The following PTPRK variants were observed in gnomAD, a reference collection of about 807,000 sequenced individuals.
PTPRK encodes protein tyrosine phosphatase receptor type K, also known as receptor-type tyrosine-protein phosphatase kappa.
PTPRK carries 75 observed loss-of-function variants against 178.0 expected under a neutral mutation model. The ratio of observed to expected loss-of-function variants is 0.42; its 90% CI spans 0.35 to 0.51. The LOEUF (loss-of-function observed/expected upper bound fraction) is 0.51, where lower values mean the gene tolerates loss of function less well. Among genes scored for constraint, PTPRK ranks in the 20% least tolerant of loss-of-function variants. The pLI is 0.02. For synonymous variants in PTPRK, 637 were observed against 620.6 expected, an observed-to-expected ratio of 1.03 and a Z score of -0.39; for missense variants, 1,441 against 1,797.8, an observed-to-expected ratio of 0.80 and a Z score of 3.59.
chr6:128,212,650 C>T (rs905034661), intron 6 of PTPRK, among the ~76,000 whole-genome samples: 2 of 151,968 alleles, frequency 1.3e-5, no homozygotes, highest in Non-Finnish European at 2.9e-5. Context: ...ATTCTGCTTC[C>T]TCTTTGATCC....
At chr6:128,019,118 T>G (rs1773051629) in intron 13 of PTPRK, among the ~76,000 whole-genome samples, 1 of 152,112 alleles carries the variant, frequency 6.6e-6, no homozygotes, top group African/African-American at 2.4e-5. Context: ...CTAAAACATT[T>G]CTTAGAATCA....
intron 2 of PTPRK, among the ~76,000 whole-genome samples, chr6:128,382,718 G>T (rs1300446939): frequency 1.3e-5 from 2 of 152,072 alleles, no homozygotes; most frequent in African/African-American, 4.8e-5. Context: ...GGAATTACAG[G>T]TGTTAGCCAC....
chr6:128,511,747 T>G (rs1322815935), intron 1 of PTPRK, among the ~76,000 whole-genome samples: 1 of 152,182 alleles, frequency 6.6e-6, no homozygotes, highest in Non-Finnish European at 1.5e-5. Flanking sequence ...CTTTAAACAT[T>G]TGTGTACATT....
At chr6:128,233,945 T>C (rs1812763243) in intron 5 of PTPRK, among the ~76,000 whole-genome samples, 1 of 152,246 alleles carries the variant, frequency 6.6e-6, no homozygotes, top group Non-Finnish European at 1.5e-5. Flanking sequence ...GAGTCATTAG[T>C]ATTTTAGTTT....
At chr6:128,326,590 G>A (rs992845466) in intron 2 of PTPRK, among the ~76,000 whole-genome samples, 4 of 151,906 alleles carry the variant, frequency 2.6e-5, no homozygotes, top group Non-Finnish European at 5.9e-5. Flanking sequence ...AAATATGCAG[G>A]TTATAAAATA....
intron 7 of PTPRK, among the ~76,000 whole-genome samples, chr6:128,126,766 G>C (rs944048947): frequency 6.6e-6 from 1 of 152,204 alleles, no homozygotes; most frequent in African/African-American, 2.4e-5. Flanking sequence ...TGAGGTTATA[G>C]GGGTGACCCA....
At position 128,022,633 on chromosome 6, in the gene PTPRK, C is replaced by T. The variant is rs533024391; in HGVS notation, c.2195-13365G>A. Among the ~76,000 whole-genome samples, 4 of 152,260 alleles carry T rather than the reference C, an allele frequency of 2.6e-5. No homozygotes were observed. The South Asian group carries it at 6.2e-4, about 24-fold the overall frequency. ...AAATCTTCATTGATTTTGAAGGGAT[C>T]GCTGAGGCACCGTCCTCCAGTATTG... On this transcript the variant is annotated intron_variant, in intron 13 of 29. Coordinates refer to ENST00000368226, the MANE Select transcript of PTPRK (RefSeq NM_002844.4).
chr6:128,366,211 A>G (rs574325703), intron 2 of PTPRK, among the ~76,000 whole-genome samples: 1 of 152,280 alleles, frequency 6.6e-6, no homozygotes, highest in African/African-American at 2.4e-5. Flanking sequence ...TAGGTACTAA[A>G]ATGCAGGTGT....
At chr6:128,070,727 G>C (rs1782671693) in intron 11 of PTPRK, among the ~76,000 whole-genome samples, 1 of 151,726 alleles carries the variant, frequency 6.6e-6, no homozygotes. Flanking sequence ...CCAGTTTCTA[G>C]ATATTTTTAA....
At position 128,519,434 on chromosome 6, in the gene PTPRK, C is replaced by A. The variant is rs1858640634; in HGVS notation, c.100+825G>T. 6.6e-6 allele frequency among the ~76,000 whole-genome samples: 1 copy of A among 152,154 alleles called. No individual in the cohort carries two copies. The highest frequency in any genetic ancestry group is 6.5e-5 in the Admixed American group (1 of 15,282). On this transcript the variant is annotated intron_variant, in intron 1 of 29. Coordinates refer to ENST00000368226, the MANE Select transcript of PTPRK (RefSeq NM_002844.4). The surrounding 1 kb of genome is among the most constrained non-coding windows in gnomAD (Gnocchi z 4.3). ...CCGGCAGAAGGCAGACATTTACAGT[C>A]CGCTTCCAGCCCCAGGCCGGATCCG...
chr6:128,138,474 G>C (rs1353907130), intron 7 of PTPRK, among the ~76,000 whole-genome samples: 2 of 152,014 alleles, frequency 1.3e-5, no homozygotes, highest in African/African-American at 4.8e-5. Context: ...ATTCAAGAAG[G>C]TCCAATGTTT....
At chr6:128,482,291 T>A (rs1010474189) in intron 1 of PTPRK, among the ~76,000 whole-genome samples, 2 of 152,172 alleles carry the variant, frequency 1.3e-5, no homozygotes, top group African/African-American at 4.8e-5. Context: ...CGGAGTTGCA[T>A]CTCTGTTTAC....
chr6:128,115,366 T>C (rs771144762), intron 7 of PTPRK, among the ~76,000 whole-genome samples: 1 of 151,990 alleles, frequency 6.6e-6, no homozygotes, highest in Non-Finnish European at 1.5e-5. Context: ...AAATTGGAAG[T>C]GCTCACCCTT....
chr6:128,435,606 A>G (rs576263805), intron 1 of PTPRK, among the ~76,000 whole-genome samples: 84 of 152,318 alleles, frequency 5.5e-4, no homozygotes, highest in East Asian at 2.9e-3. Flanking sequence ...ATAGTTTTCT[A>G]TCTTTCTGGT....
intron 6 of PTPRK, among the ~76,000 whole-genome samples, chr6:128,206,942 A>T (rs1382744285): frequency 6.6e-6 from 1 of 152,228 alleles, no homozygotes; most frequent in East Asian, 1.9e-4. Context: ...ACTACTATGC[A>T]TAAATATGAG....
chr6:128,485,632 T>C (rs1446354442), intron 1 of PTPRK, among the ~76,000 whole-genome samples: 1 of 152,154 alleles, frequency 6.6e-6, no homozygotes, highest in Non-Finnish European at 1.5e-5. Context: ...CCATGAGGAA[T>C]GCTAGCGAAT....
At chr6:128,134,069 T>C (rs1042167463) in intron 7 of PTPRK, among the ~76,000 whole-genome samples, 2 of 152,228 alleles carry the variant, frequency 1.3e-5, no homozygotes, top group African/African-American at 4.8e-5. Context: ...AATACTATTA[T>C]TGCAATATCA....
chr6:128,382,034 T>C (rs1040849496), intron 2 of PTPRK, among the ~76,000 whole-genome samples: 3 of 150,602 alleles, frequency 2.0e-5, no homozygotes, highest in African/African-American at 7.3e-5. Context: ...AATACAAGAA[T>C]TAGCCAGGTG....
chr6:127,989,632 T>C (rs1012569975), intron 21 of PTPRK, among the ~76,000 whole-genome samples: 5 of 152,074 alleles, frequency 3.3e-5, no homozygotes, highest in Admixed American at 1.3e-4. Context: ...TAAAGAAGGT[T>C]TGTAGCGATT....
Sources: allele counts gnomAD v4.1 joint callset (sites outside exome capture counted in the v4.1 genomes callset), GRCh38; gene constraint gnomAD v4.1.1; non-coding constraint Gnocchi (gnomAD v3.1); transcripts MANE v1.5; gene names NCBI Gene and HGNC (gene_info 2026-07-23, HGNC 2026-07-21).